Variants in DENND10 observed in about 807,000 individuals in gnomAD.
DENND10 encodes DENN domain containing 10, also known as DENN domain-containing protein 10.
DENND10 carries 24 observed loss-of-function variants against 43.6 expected under a neutral mutation model. The observed-to-expected ratio is 0.55, with a 90% confidence interval of 0.40 to 0.77. DENND10 has a LOEUF of 0.77. DENND10 is among the 30% of genes least tolerant of loss of function. The pLI is 0.00. For missense variants in DENND10, 303 were observed against 429.9 expected, an observed-to-expected ratio of 0.70 and a Z score of 2.61; for synonymous variants, 125 against 157.6, an observed-to-expected ratio of 0.79 and a Z score of 1.55.
At chr10:119,122,264 C>T (rs12416031) in intron 5 of DENND10, among the ~76,000 whole-genome samples, 17,573 of 152,200 alleles carry the variant, frequency 0.12, 1,360 homozygotes, top group Middle Eastern at 0.24. Flanking sequence ...GCCATGATCA[C>T]GTCACTGCAC....
intron 7 of DENND10, among the ~76,000 whole-genome samples, chr10:119,130,858 A>G (rs1458654019): frequency 6.6e-6 from 1 of 152,204 alleles, no homozygotes; most frequent in African/African-American, 2.4e-5. Context: ...CGAGAGAGAA[A>G]AGGAAGTCAC....
chr10:119,112,707 C>G (rs915845010), intron 3 of DENND10, among the ~76,000 whole-genome samples: 32 of 152,040 alleles, frequency 2.1e-4, no homozygotes, highest in African/African-American at 7.5e-4. Flanking sequence ...GTTGCCCAGG[C>G]TGGTTTCAAA....
intron 1 of DENND10, among the ~76,000 whole-genome samples, 187 bp from the exon 2 acceptor site, chr10:119,107,781 T>A (rs1844768279): frequency 6.6e-6 from 1 of 152,190 alleles, no homozygotes; most frequent in African/African-American, 2.4e-5. Flanking sequence ...TGGCCTGTAA[T>A]TCAGGATCAT....
At chr10:119,114,351 C>T (rs756485127) in intron 3 of DENND10, 1 of 152,220 alleles carries the variant, frequency 6.6e-6, no homozygotes, top group Non-Finnish European at 1.5e-5. Flanking sequence ...GACAGTTTAA[C>T]ATGGAGTTGC....
chr10:119,124,754 CCAT>C (rs1486617750), intron 6 of DENND10, among the ~76,000 whole-genome samples: 1 of 151,974 alleles, frequency 6.6e-6, no homozygotes, highest in Non-Finnish European at 1.5e-5. Context: ...TGTTGTTCAG[CCAT>C]CATCAAAATG....
Position 119,113,332 on chromosome 10 carries a change from G to A in DENND10, c.332+1404G>A, listed in dbSNP as rs1589719797. 5.3e-5 allele frequency among the ~76,000 whole-genome samples: 8 copies of A among 151,866 alleles called. No homozygotes were observed. The East Asian group carries it at 1.5e-3, about 29-fold the overall frequency. On this transcript the variant is annotated intron_variant, in intron 3 of 8. Transcript: ENST00000361432. ...AGCCTCCCAAGTAGTTAGGACTACA[G>A]GTGTGTGCCACTGCTCCTGGCTAAT...
intron 3 of DENND10, among the ~76,000 whole-genome samples, chr10:119,115,792 C>A (rs1331622293): frequency 1.5e-5 from 2 of 135,912 alleles, no homozygotes; most frequent in Non-Finnish European, 3.1e-5. Flanking sequence ...GAGACGGAAT[C>A]TCGCTCTGTT....
At chr10:119,123,392 G>A in intron 5 of DENND10, 77 bp from the exon 6 acceptor site, 1 of 1,041,046 alleles carries the variant, frequency 9.6e-7, no homozygotes, top group Non-Finnish European at 1.5e-6. Context: ...TTCCTTCTCA[G>A]GAAGAGGAGA....
intron 3 of DENND10, among the ~76,000 whole-genome samples, chr10:119,112,752 C>T (rs1274115316): frequency 4.0e-5 from 6 of 151,896 alleles, no homozygotes; most frequent in African/African-American, 7.2e-5. Context: ...ATGTTGGCCT[C>T]CCAAAGTGCT....
At chr10:119,111,553 A>G (rs1370894009) in intron 2 of DENND10, among the ~76,000 whole-genome samples, 1 of 152,066 alleles carries the variant, frequency 6.6e-6, no homozygotes, top group Non-Finnish European at 1.5e-5. Flanking sequence ...TACTTTGATG[A>G]GATTAGGGGA....
At position 119,113,363 on chromosome 10, in the gene DENND10, A is replaced by T. The variant is rs545520718; in HGVS notation, c.332+1435A>T. On this transcript the variant is annotated intron_variant, in intron 3 of 8. Coordinates refer to ENST00000361432, the MANE Select transcript of DENND10 (RefSeq NM_207009.4). ...TGCCACTGCTCCTGGCTAATTAAAA[A>T]ATATATATATATTTTGTAGAAAGGT... 1.5e-4 allele frequency among the ~76,000 whole-genome samples: 23 copies of T among 151,186 alleles called. No individual in the cohort carries two copies. The South Asian group carries it at 2.3e-3, about 15-fold the overall frequency.
At chr10:119,130,739 G>A (rs942488647) in intron 7 of DENND10, among the ~76,000 whole-genome samples, 1 of 152,226 alleles carries the variant, frequency 6.6e-6, no homozygotes, top group Admixed American at 6.5e-5. Context: ...CGCTTTCAAT[G>A]TGCATGGCTG....
At chr10:119,129,379 C>T in intron 6 of DENND10, 136 bp from the exon 7 acceptor site, 1 of 632,046 alleles carries the variant, frequency 1.6e-6, no homozygotes, top group South Asian at 1.9e-5. Flanking sequence ...TACTAACTGC[C>T]ACAGGGTACA....
In DENND10 at chr10:119,130,826, G is replaced by T. The variant is rs766628123; in HGVS notation, c.802+1204G>T. Among the ~76,000 whole-genome samples the T allele has an allele frequency of 5.8e-4, 88 of 152,170 alleles. 2 individuals are homozygous for T. The highest frequency in any genetic ancestry group is 5.9e-5 in the Non-Finnish European group (4 of 68,040). ...TGAGTGTTCTTACAATATGACAGCTGGCTCCCCAGGAGTGAGTGACCCGAG... is the reference window on the plus strand; with the variant it reads ...TGAGTGTTCTTACAATATGACAGCTTGCTCCCCAGGAGTGAGTGACCCGAG... On this transcript the variant is annotated intron_variant, in intron 7 of 8. Coordinates refer to ENST00000361432, the MANE Select transcript of DENND10 (RefSeq NM_207009.4).
intron 6 of DENND10, among the ~76,000 whole-genome samples, chr10:119,125,578 G>A (rs1845794305): frequency 7.4e-6 from 1 of 135,828 alleles, no homozygotes; most frequent in South Asian, 2.5e-4. Context: ...CACGATCTCA[G>A]CATACTACGG....
In DENND10 at chr10:119,137,820, T is replaced by TG. The variant is rs1846424368; in HGVS notation, c.*1173_*1174insG. 6.0e-6 allele frequency: 1 copy of TG among 166,160 alleles called. No individual in the cohort carries two copies. 10.3% of individuals were successfully genotyped at this position (166,160 alleles called of 1,614,324 possible). A position where few individuals can be genotyped will look rare whatever the true frequency, so the allele number is the denominator to read the frequency against. Reference sequence around the variant, plus strand: ...AGGGAGTACCTGAAATAAGACAATGTTTACTAAGGCAAATAATTGAAAATT... The same window carrying TG: ...AGGGAGTACCTGAAATAAGACAATGTGTTACTAAGGCAAATAATTGAAAATT... On this transcript the variant is annotated 3_prime_UTR_variant, in exon 9 of 9. Transcript: ENST00000361432.
At chr10:119,108,651 CT>C (rs1330776607) in intron 2 of DENND10, among the ~76,000 whole-genome samples, 10 of 149,796 alleles carry the variant, frequency 6.7e-5, no homozygotes, top group East Asian at 2.0e-4. Context: ...GTCTTTTCCC[CT>C]TTTTTTTTGT....
chr10:119,128,374 C>CTGAGT (rs1350929031), intron 6 of DENND10, among the ~76,000 whole-genome samples: 1 of 151,936 alleles, frequency 6.6e-6, no homozygotes, highest in African/African-American at 2.4e-5. Flanking sequence ...CTTTGGAAGG[C>CTGAGT]TGAGGCAGGC....
chr10:119,136,355 C>A (rs749835295), intron 8 of DENND10, 116 bp from the exon 9 acceptor site: 350 of 1,255,600 alleles, frequency 2.8e-4, no homozygotes, highest in Non-Finnish European at 3.6e-4. Context: ...GCCACCACGC[C>A]AAGCTCATTT....
Sources: allele counts gnomAD v4.1 joint callset (sites outside exome capture counted in the v4.1 genomes callset), GRCh38; gene constraint gnomAD v4.1.1; transcripts MANE v1.5; gene names NCBI Gene and HGNC (gene_info 2026-07-23, HGNC 2026-07-21).